XYLT1: variants seen among roughly 807,000 people sequenced by gnomAD.
XYLT1 encodes the protein xylosyltransferase 1.
A neutral mutation model predicts 91.3 loss-of-function variants in XYLT1; 36 were observed. The observed-to-expected ratio is 0.39, with a 90% confidence interval of 0.30 to 0.52. The LOEUF (loss-of-function observed/expected upper bound fraction) is 0.52. XYLT1 is among the 20% of genes least tolerant of loss of function. XYLT1 has a pLI of 0.68. For missense variants in XYLT1, 1,242 were observed against 1,284.5 expected, an observed-to-expected ratio of 0.97 and a Z score of 0.51; for synonymous variants, 588 against 532.0, an observed-to-expected ratio of 1.11 and a Z score of -1.45.
intron 2 of XYLT1, among the ~76,000 whole-genome samples, chr16:17,274,947 C>T (rs1033836636): frequency 2.0e-5 from 3 of 152,020 alleles, no homozygotes; most frequent in Non-Finnish European, 4.4e-5. Flanking sequence ...GAGGCTGAGG[C>T]GTGGGAATTA....
At chr16:17,225,177 A>ACACTCT (rs150256998) in intron 3 of XYLT1, among the ~76,000 whole-genome samples, 38,069 of 147,080 alleles carry the variant, frequency 0.26, 5,046 homozygotes, top group South Asian at 0.45. Context: ...ACACACACAC[A>ACACTCT]CTCTCTCTCT....
chr16:17,324,326 T>C (rs2034767988), intron 2 of XYLT1, among the ~76,000 whole-genome samples: 2 of 151,890 alleles, frequency 1.3e-5, no homozygotes, highest in Non-Finnish European at 2.9e-5. Flanking sequence ...GACACAGGGA[T>C]TTTCAGAGCC....
chr16:17,340,783 C>T (rs903739648), intron 2 of XYLT1, among the ~76,000 whole-genome samples: 1 of 152,182 alleles, frequency 6.6e-6, no homozygotes, highest in African/African-American at 2.4e-5. Flanking sequence ...GGGGCTGGCA[C>T]ATAGTAAATG....
intron 5 of XYLT1, among the ~76,000 whole-genome samples, chr16:17,176,020 T>C (rs2031934060): frequency 6.6e-6 from 1 of 150,492 alleles, no homozygotes. Flanking sequence ...CCCAGAGATG[T>C]TTTTAATAAA....
At chr16:17,403,271 C>G (rs1017322450) in intron 1 of XYLT1, among the ~76,000 whole-genome samples, 2 of 152,204 alleles carry the variant, frequency 1.3e-5, no homozygotes, top group Non-Finnish European at 2.9e-5. Flanking sequence ...TCACAAAGGG[C>G]AGGCGTCTTG....
At chr16:17,240,615 T>C (rs1386157617) in intron 3 of XYLT1, among the ~76,000 whole-genome samples, 1 of 152,176 alleles carries the variant, frequency 6.6e-6, no homozygotes. Context: ...AATGTGAGAA[T>C]GAGAACTAAC....
chr16:17,158,835 T>C lies in XYLT1; in HGVS notation c.1364A>G (p.Asn455Ser), dbSNP rs780820294. ...GTAGGGGTTGAGGTGCTACCTTGCA[T>C]TGTCCCGGCCGTGTGACTTCAAGAA... ...MNFLKSHGRD[N>S]ARFIRKQGLD... The change falls in exon 6 of 12, where the codon AAT (asparagine) becomes AGT (serine). Residue 455 changes from asparagine to serine, a missense_variant. Around this residue, in one of 3 missense-constraint regions of XYLT1, gnomAD observed 294 missense variants for 376.0 expected, o/e 0.78. Coordinates refer to ENST00000261381, the MANE Select transcript of XYLT1 (RefSeq NM_022166.4). The C allele has an allele frequency of 1.2e-6, 2 of 1,614,110 alleles. No individual in the cohort carries two copies. Among genetic ancestry groups the C allele is most frequent in the Non-Finnish European group, 1.7e-6 (2 of 1,179,984 alleles).
chr16:17,374,693 CTTTT>C (rs1055010617), intron 1 of XYLT1, among the ~76,000 whole-genome samples: 1 of 150,026 alleles, frequency 6.7e-6, no homozygotes, highest in Non-Finnish European at 1.5e-5. Flanking sequence ...CAAAAAAAAT[CTTTT>C]TTCTGTCTAA....
At chr16:17,282,426 A>G (rs2034071538) in intron 2 of XYLT1, among the ~76,000 whole-genome samples, 1 of 152,144 alleles carries the variant, frequency 6.6e-6, no homozygotes, top group South Asian at 2.1e-4. Flanking sequence ...CATTTTTAGA[A>G]ATTATTTCCG....
intron 3 of XYLT1, among the ~76,000 whole-genome samples, chr16:17,251,989 C>A (rs945189017): frequency 1.3e-5 from 2 of 152,012 alleles, no homozygotes; most frequent in Non-Finnish European, 2.9e-5. Flanking sequence ...AAGAGCAGAC[C>A]CAGCAAGACG....
At chr16:17,117,511 A>G in intron 11 of XYLT1, 135 bp downstream of exon 11, 1 of 901,664 alleles carries the variant, frequency 1.1e-6, no homozygotes, top group Non-Finnish European at 1.6e-6. Context: ...AGAGAAAAGT[A>G]TTGAGAGCAA....
At chr16:17,412,644 C>A in intron 1 of XYLT1, among the ~76,000 whole-genome samples, 1 of 152,070 alleles carries the variant, frequency 6.6e-6, no homozygotes, top group Non-Finnish European at 1.5e-5. Flanking sequence ...CATCAAAGTT[C>A]TTTTCCTGAT....
chr16:17,193,052 A>ATCCACCT (rs1235552676), intron 5 of XYLT1: 1 of 152,096 alleles, frequency 6.6e-6, no homozygotes, highest in Non-Finnish European at 1.5e-5. Flanking sequence ...ACCTCAAGTG[A>ATCCACCT]TCCACCTGCC....
chr16:17,461,176 C>T (rs1287751359), intron 1 of XYLT1, among the ~76,000 whole-genome samples: 1 of 152,198 alleles, frequency 6.6e-6, no homozygotes, highest in East Asian at 1.9e-4. Context: ...AGCTTGGGCC[C>T]CATGAGCAGA....
chr16:17,400,639 GGA>G (rs1393248579), intron 1 of XYLT1, among the ~76,000 whole-genome samples: 3 of 79,464 alleles, frequency 3.8e-5, no homozygotes, highest in African/African-American at 6.2e-5. Flanking sequence ...GAGGAAGGAA[GGA>G]AGGAAGGAAG....
intron 3 of XYLT1, among the ~76,000 whole-genome samples, chr16:17,231,110 C>T (rs1427348692): frequency 1.3e-5 from 2 of 152,224 alleles, no homozygotes; most frequent in African/African-American, 4.8e-5. Context: ...TCACGCATTG[C>T]TTCTTGGAGA....
chr16:17,382,607 C>A (rs527801245), intron 1 of XYLT1, among the ~76,000 whole-genome samples: 6 of 151,874 alleles, frequency 4.0e-5, no homozygotes. Flanking sequence ...AAGAGTGCAA[C>A]CAGCACAGCA....
intron 2 of XYLT1, among the ~76,000 whole-genome samples, chr16:17,271,535 G>A (rs538481887): frequency 2.0e-5 from 3 of 152,190 alleles, no homozygotes; most frequent in Non-Finnish European, 4.4e-5. Flanking sequence ...AGCCTTCTGC[G>A]TACCTCTCAG....
At chr16:17,226,513 C>T (rs1305744284) in intron 3 of XYLT1, among the ~76,000 whole-genome samples, 2 of 152,190 alleles carry the variant, frequency 1.3e-5, no homozygotes, top group East Asian at 1.9e-4. Context: ...TTCCAGCAGG[C>T]ACAGTGGCTC....
Sources: gnomAD v4.1 joint callset for allele counts (sites outside exome capture counted in the v4.1 genomes callset) on GRCh38, gnomAD v4.1.1 for gene constraint, gnomAD v4.1.1 regional missense constraint, MANE v1.5 for transcripts, NCBI Gene and HGNC (gene_info 2026-07-23, HGNC 2026-07-21) for gene names.